Variants in TACR1 observed in about 807,000 individuals in gnomAD.
The protein encoded by TACR1 is substance-P receptor.
A neutral mutation model predicts 35.8 loss-of-function variants in TACR1; 25 were observed. The observed-to-expected ratio is 0.70, with a 90% confidence interval of 0.51 to 0.98. The LOEUF is 0.98. Among genes scored for constraint, TACR1 ranks in the 50% least tolerant of loss-of-function variants. The pLI is 0.00. For synonymous variants in TACR1, 195 were observed against 206.7 expected (o/e 0.94, Z 0.48); for missense variants, 478 against 522.9 (o/e 0.91, Z 0.84).
intron 1 of TACR1, among the ~76,000 whole-genome samples, chr2:75,181,572 G>A (rs1383095464): frequency 6.6e-6 from 1 of 152,108 alleles, no homozygotes; most frequent in Non-Finnish European, 1.5e-5. Flanking sequence ...AATAAACGAT[G>A]AATTCATAGT....
At chr2:75,055,119 A>G (rs1026999043) in intron 2 of TACR1, among the ~76,000 whole-genome samples, 1 of 152,094 alleles carries the variant, frequency 6.6e-6, no homozygotes, top group Non-Finnish European at 1.5e-5. Context: ...CCCTCTGTTT[A>G]CCATTCATGA....
At chr2:75,154,174 C>T (rs1445067138) in intron 1 of TACR1, among the ~76,000 whole-genome samples, 1 of 152,068 alleles carries the variant, frequency 6.6e-6, no homozygotes, top group Non-Finnish European at 1.5e-5. Context: ...CCTCCCGGCT[C>T]CTGGCTCCCT....
intron 2 of TACR1, among the ~76,000 whole-genome samples, chr2:75,061,233 G>A (rs1188316504): frequency 1.3e-5 from 2 of 152,006 alleles, no homozygotes; most frequent in East Asian, 3.9e-4. Flanking sequence ...AGAGACTCCA[G>A]GGGCGGGTAC....
intron 2 of TACR1, among the ~76,000 whole-genome samples, chr2:75,076,464 G>T (rs1672982504): frequency 6.6e-6 from 1 of 152,188 alleles, no homozygotes; most frequent in African/African-American, 2.4e-5. Flanking sequence ...TGTTTGGTTT[G>T]TCTCTCAGAG....
intron 1 of TACR1, among the ~76,000 whole-genome samples, chr2:75,151,242 G>C (rs1558570607): frequency 1.3e-5 from 2 of 152,356 alleles, no homozygotes; most frequent in South Asian, 4.1e-4. Flanking sequence ...TAATCCCCAA[G>C]ACCATGGGGA....
chr2:75,196,534 T>A (rs1167250236), intron 1 of TACR1, among the ~76,000 whole-genome samples: 1 of 152,132 alleles, frequency 6.6e-6, no homozygotes, highest in Non-Finnish European at 1.5e-5. Flanking sequence ...CGAGACCTTT[T>A]GGTCTCACTG....
At chr2:75,172,880 C>T (rs1432433960) in intron 1 of TACR1, among the ~76,000 whole-genome samples, 1 of 152,142 alleles carries the variant, frequency 6.6e-6, no homozygotes, top group Non-Finnish European at 1.5e-5. Context: ...TGGCCACCTT[C>T]TCCCCGTATC....
rs367977948 is a variant in TACR1 at position 75,104,622 on chromosome 2, A to G, written c.584+15952T>C. Among the ~76,000 whole-genome samples, 7 of 152,126 alleles carry G rather than the reference A, an allele frequency of 4.6e-5. No individual in the cohort carries two copies. In the East Asian group the frequency reaches 9.6e-4, roughly 21 times the overall value. On this transcript the variant is annotated intron_variant, in intron 2 of 4. Transcript: ENST00000305249. ...GCACACACAGAATACTCTCCAAAAC[A>G]GATAACATGTTAGGATGTAAAACAA... is the stretch of plus-strand genomic sequence containing the variant.
At chr2:75,052,438 C>T (rs1164411779) in intron 3 of TACR1, among the ~76,000 whole-genome samples, 1 of 152,068 alleles carries the variant, frequency 6.6e-6, no homozygotes, top group Non-Finnish European at 1.5e-5. Flanking sequence ...CCCAAATGGA[C>T]TAAGACACCA....
chr2:75,106,484 C>T (rs1013151275), intron 2 of TACR1, among the ~76,000 whole-genome samples: 1 of 151,900 alleles, frequency 6.6e-6, no homozygotes, highest in African/African-American at 2.4e-5. Flanking sequence ...TTAAATGTAT[C>T]GCAGGAGTTT....
chr2:75,155,774 A>G (rs1314272630), intron 1 of TACR1, among the ~76,000 whole-genome samples: 1 of 152,258 alleles, frequency 6.6e-6, no homozygotes, highest in Non-Finnish European at 1.5e-5. Context: ...AACACTTAGA[A>G]TAATGTAGAC....
chr2:75,140,189 G>A (rs1674374811), intron 1 of TACR1, among the ~76,000 whole-genome samples: 2 of 152,026 alleles, frequency 1.3e-5, no homozygotes, highest in Admixed American at 1.3e-4. Flanking sequence ...CCTTTCCTTA[G>A]CATTGAATGT....
At chr2:75,088,202 C>T (rs972476605) in intron 2 of TACR1, among the ~76,000 whole-genome samples, 4 of 152,214 alleles carry the variant, frequency 2.6e-5, no homozygotes, top group African/African-American at 4.8e-5. Context: ...CCACTCTCCT[C>T]TGCACCCTGC....
At position 75,087,516 on chromosome 2, in the gene TACR1, G is replaced by C. The variant is rs541041071; in HGVS notation, c.584+33058C>G. Among the ~76,000 whole-genome samples, 7 of 152,284 alleles carry C rather than the reference G, an allele frequency of 4.6e-5. No homozygotes were observed. In the South Asian group the frequency reaches 1.5e-3, roughly 32 times the overall value. The stretch of plus-strand genomic sequence containing the variant: ...TTGACAGAACTTACTATTAAGAAAG[G>C]CTGTAGAAGTGTAAACTTGAAACTA... On this transcript the variant is annotated intron_variant, in intron 2 of 4. Transcript: ENST00000305249.
chr2:75,053,674 T>A lies in TACR1; in HGVS notation c.666A>T (p.Thr222=). The A allele has an allele frequency of 6.2e-7, 1 of 1,612,056 alleles. No individual in the cohort carries two copies. Among genetic ancestry groups the A allele is most frequent in the Non-Finnish European group, 8.5e-7 (1 of 1,179,142 alleles). ...IGYAYTVVGI[T]LWASEIPGDS... ...CCCCGGGGATCTCACTGGCCCATAGTGTGATTCCCACTACGGTGTATGCAT... is the reference window on the plus strand; with the variant it reads ...CCCCGGGGATCTCACTGGCCCATAGAGTGATTCCCACTACGGTGTATGCAT... The change falls in exon 3 of 5, where the codon ACA becomes ACT. Residue 222 remains threonine (T), a synonymous_variant. Transcript: ENST00000305249.
chr2:75,051,570 G>A lies in TACR1; in HGVS notation c.736-123C>T, dbSNP rs572261487. The A allele has an allele frequency of 1.3e-4, 199 of 1,495,492 alleles. No individual in the cohort carries two copies. In the East Asian group the frequency reaches 2.5e-3, roughly 19 times the overall value. 92.6% of individuals were successfully genotyped at this position (1,495,492 alleles called of 1,614,324 possible). A position where few individuals can be genotyped will look rare whatever the true frequency, so the allele number is the denominator to read the frequency against. ...ATGAAGCGAGAAGTATTTAAAAGAC[G>A]CCCCTTCAAGGAGGAGAAAGGATCT... On this transcript the variant is annotated intron_variant, in intron 3 of 4. Coordinates refer to ENST00000305249, the MANE Select transcript of TACR1 (RefSeq NM_001058.4).
chr2:75,199,022 C>A lies in TACR1; in HGVS notation c.-88G>T. 4 of 1,502,674 alleles carry A rather than the reference C, an allele frequency of 2.7e-6. No homozygotes were observed. The highest frequency in any genetic ancestry group is 3.6e-6 in the Non-Finnish European group (4 of 1,118,548). 93.1% of individuals were successfully genotyped at this position (1,502,674 alleles called of 1,614,324 possible). The stretch of plus-strand genomic sequence containing the variant: ...TGGCTGGCGCCTGGGGCTCAGGGTC[C>A]TTCTAAAGCCAGACAGGAGGGTGGA... On this transcript the variant is annotated 5_prime_UTR_variant, in exon 1 of 5. The change creates a new upstream start codon in the 5' untranslated region. Transcript: ENST00000305249.
chr2:75,065,554 G>T (rs902489950), intron 2 of TACR1, among the ~76,000 whole-genome samples: 121 of 152,272 alleles, frequency 7.9e-4, no homozygotes, highest in African/African-American at 2.7e-3. Flanking sequence ...TTTTTGCTGG[G>T]TGGGTAGGCA....
chr2:75,108,334 A>T (rs1673689917), intron 2 of TACR1, among the ~76,000 whole-genome samples: 1 of 152,190 alleles, frequency 6.6e-6, no homozygotes, highest in South Asian at 2.1e-4. Context: ...TATTCAAGAG[A>T]CACAGGGAAT....
Sources: allele counts gnomAD v4.1 joint callset (sites outside exome capture counted in the v4.1 genomes callset), GRCh38; gene constraint gnomAD v4.1.1; transcripts MANE v1.5; gene names NCBI Gene and HGNC (gene_info 2026-07-23, HGNC 2026-07-21).